PHC2: variants seen among roughly 807,000 people sequenced by gnomAD.
PHC2 encodes the protein polyhomeotic-like protein 2.
Under a neutral mutation model 87.4 loss-of-function variants are expected in PHC2, and 29 were observed. The ratio of observed to expected loss-of-function variants is 0.33; its 90% CI spans 0.25 to 0.45. The LOEUF (loss-of-function observed/expected upper bound fraction) is 0.45, where lower values mean the gene tolerates loss of function less well. PHC2 is among the 20% of genes least tolerant of loss of function. PHC2 has a pLI of 1.00. For synonymous variants in PHC2, 438 were observed against 461.7 expected (o/e 0.95, Z 0.66); for missense variants, 857 against 1,136.7 (o/e 0.75, Z 3.54).
At position 33,330,121 on chromosome 1, in the gene PHC2, G is replaced by A. The variant is rs773965245; in HGVS notation, c.2098C>T (p.Arg700Trp). The change falls in exon 13 of 15, where the codon CGG becomes TGG. Residue 700 changes from arginine to tryptophan, a missense_variant. Arg to Trp is a moderately radical substitution (Grantham distance 101). This residue lies in a region of PHC2 where 832 missense variants were observed against 1,081.8 expected (regional missense o/e 0.77). Transcript: ENST00000683057. ...GGTGGCAGACTGGCTTTGCTGGCCC[G>A]ACGGCGGTTGTGGGTCGCAGCTCCT... ...KAGAATHNRR[R>W]ASKASLPPLT... 3.3e-5 allele frequency: 54 copies of A among 1,614,078 alleles called. No homozygotes were observed. Among genetic ancestry groups the A allele is most frequent in the Non-Finnish European group, 4.0e-5 (47 of 1,180,040 alleles).
Position 33,364,177 on chromosome 1 carries a change from T to C in PHC2, c.976+2939A>G, listed in dbSNP as rs1159396475. ...CAGTCCCAGCTGGGACTGGAGGGTC[T>C]GCCTGCTCTGGGAGGAAACAGCCCC... On this transcript the variant is annotated intron_variant, in intron 7 of 14. Transcript: ENST00000683057. The surrounding 1 kb of genome is among the most constrained non-coding windows in gnomAD (Gnocchi z 4.1). Among the ~76,000 whole-genome samples, 1 of 152,068 alleles carries C rather than the reference T, an allele frequency of 6.6e-6. No homozygotes were observed. The highest frequency in any genetic ancestry group is 6.6e-5 in the Admixed American group (1 of 15,264).
chr1:33,335,290 C>T, intron 9 of PHC2: 3 of 985,418 alleles, frequency 3.0e-6, no homozygotes, highest in Non-Finnish European at 3.6e-6. Context: ...TCTCCCGCCC[C>T]CTTCCCAGGG....
At chr1:33,373,373 G>T (rs755993384) in intron 2 of PHC2, among the ~76,000 whole-genome samples, 11 of 151,960 alleles carry the variant, frequency 7.2e-5, no homozygotes, top group African/African-American at 2.7e-4. Context: ...TACCCACCTC[G>T]GTCTCCCAAA....
intron 12 of PHC2, among the ~76,000 whole-genome samples, chr1:33,330,816 A>G (rs145719204): frequency 2.0e-4 from 30 of 152,156 alleles, no homozygotes; most frequent in African/African-American, 6.7e-4. Context: ...AGGCACTACT[A>G]CTCCTTTGTA....
In PHC2 at chr1:33,370,880, C is replaced by A. The variant is rs986583829; in HGVS notation, c.411+137G>T. 9 of 778,806 alleles carry A rather than the reference C, an allele frequency of 1.2e-5. No individual in the cohort carries two copies. The African/African-American group carries it at 1.5e-4, about 13-fold the overall frequency. 48.2% of individuals were successfully genotyped at this position (778,806 alleles called of 1,614,324 possible). A position where few individuals can be genotyped will look rare whatever the true frequency, so the allele number is the denominator to read the frequency against. ...AGGTCAGTAAGAGACATGCCCTTTT[C>A]TTTTTCTTCCCGGTAAGGGCAATAG... On this transcript the variant is annotated intron_variant, in intron 4 of 14. Transcript: ENST00000683057.
intron 7 of PHC2, among the ~76,000 whole-genome samples, chr1:33,366,072 T>C (rs1162245444): frequency 2.0e-5 from 3 of 152,234 alleles, no homozygotes; most frequent in Admixed American, 6.5e-5. Context: ...CTGCACACTC[T>C]AGGGAAAAAT....
Position 33,375,580 on chromosome 1 carries a change from A to G in PHC2, c.-41T>C. 1.4e-6 allele frequency: 2 copies of G among 1,434,252 alleles called. No homozygotes were observed. The highest frequency in any genetic ancestry group is 1.6e-5 in the South Asian group (1 of 64,506). 88.8% of individuals were successfully genotyped at this position (1,434,252 alleles called of 1,614,324 possible). On this transcript the variant is annotated 5_prime_UTR_variant, in exon 2 of 15. Transcript: ENST00000683057. ...GCAGTCAGGGCGCTCGGATGGCAGA[A>G]GGGCAGGCAGATGCTAGGAGGGAAG... is the stretch of plus-strand genomic sequence containing the variant.
At chr1:33,371,406 C>T (rs1570493972) in intron 3 of PHC2, among the ~76,000 whole-genome samples, 1 of 152,170 alleles carries the variant, frequency 6.6e-6, no homozygotes, top group African/African-American at 2.4e-5. Flanking sequence ...CTATCACACC[C>T]GGCCACCACC....
At chr1:33,411,181 A>G (rs745318750) in intron 1 of PHC2, among the ~76,000 whole-genome samples, 13 of 152,230 alleles carry the variant, frequency 8.5e-5, no homozygotes, top group Non-Finnish European at 1.3e-4. Flanking sequence ...TATGGGAGAA[A>G]TAAATAATCT....
chr1:33,351,952 A>AAAAAAAAAAAAAAAAAAAAAAC (rs1646981584), intron 9 of PHC2, among the ~76,000 whole-genome samples: 1 of 27,122 alleles, frequency 3.7e-5, no homozygotes, highest in African/African-American at 8.5e-5. Flanking sequence ...AATGCATCTC[A>AAAAAAAAAAAAAAAAAAAAAAC]AAAAAAAAAA....
At position 33,382,886 on chromosome 1, in the gene PHC2, T is replaced by C. The variant is rs1648556489; in HGVS notation, c.-54-7293A>G. Among the ~76,000 whole-genome samples the C allele has an allele frequency of 6.6e-6, 1 of 152,154 alleles. No individual in the cohort carries two copies. The highest frequency in any genetic ancestry group is 2.1e-4 in the South Asian group (1 of 4,830). ...GTTCCGGGAAAGCAGAGGGGAAGGATACTGAAAACCTCTCTCCAAATCTAG... is the reference window on the plus strand; with the variant it reads ...GTTCCGGGAAAGCAGAGGGGAAGGACACTGAAAACCTCTCTCCAAATCTAG... On this transcript the variant is annotated intron_variant, in intron 1 of 14. Coordinates refer to ENST00000683057, the MANE Select transcript of PHC2 (RefSeq NM_001385109.1). This position sits in a 1 kb window ranked among gnomAD's most constrained non-coding sequence, Gnocchi z 4.3.
At chr1:33,337,736 C>T (rs544034947) in intron 9 of PHC2, among the ~76,000 whole-genome samples, 1 of 152,296 alleles carries the variant, frequency 6.6e-6, no homozygotes, top group Admixed American at 6.5e-5. Context: ...TCAGGTATTT[C>T]TTACATAAAA....
At chr1:33,327,050 A>G (rs1029785729) in intron 14 of PHC2, among the ~76,000 whole-genome samples, 1 of 152,234 alleles carries the variant, frequency 6.6e-6, no homozygotes, top group Non-Finnish European at 1.5e-5. Context: ...TTCACAGAAA[A>G]GGAAGGAGAA....
chr1:33,425,879 G>A (rs1650647526), intron 1 of PHC2, among the ~76,000 whole-genome samples: 1 of 152,160 alleles, frequency 6.6e-6, no homozygotes, highest in Non-Finnish European at 1.5e-5. Context: ...TCCATGTTGG[G>A]CATAGAAAAT....
intron 1 of PHC2, among the ~76,000 whole-genome samples, chr1:33,388,001 T>C (rs1481126919): frequency 6.6e-6 from 1 of 152,106 alleles, no homozygotes; most frequent in African/African-American, 2.4e-5. Flanking sequence ...CAACATATAT[T>C]ATCTACACAT....
At chr1:33,393,549 T>C (rs1649168311) in intron 1 of PHC2, among the ~76,000 whole-genome samples, 1 of 149,630 alleles carries the variant, frequency 6.7e-6, no homozygotes, top group African/African-American at 2.5e-5. Context: ...CTTTCTGTGC[T>C]CAGGGACCAG....
At chr1:33,346,763 C>G (rs571441537) in intron 9 of PHC2, 1 of 985,334 alleles carries the variant, frequency 1.0e-6, no homozygotes, top group African/African-American at 1.7e-5. Context: ...AGGTCCACAG[C>G]CTAAAGGAGG....
intron 9 of PHC2, among the ~76,000 whole-genome samples, chr1:33,340,303 A>G (rs559904232): frequency 6.6e-6 from 1 of 152,306 alleles, no homozygotes; most frequent in South Asian, 2.1e-4. Flanking sequence ...ATAAAACCCA[A>G]AGCACACTCT....
intron 9 of PHC2, chr1:33,335,280 T>C (rs1198068008): frequency 1.0e-6 from 1 of 985,214 alleles, no homozygotes; most frequent in East Asian, 1.1e-4. Flanking sequence ...TCTGTAACTC[T>C]CTCCCGCCCC....
Sources: gnomAD v4.1 joint callset for allele counts (sites outside exome capture counted in the v4.1 genomes callset) on GRCh38, gnomAD v4.1.1 for gene constraint, gnomAD v4.1.1 regional missense constraint, Gnocchi (gnomAD v3.1) non-coding constraint, MANE v1.5 for transcripts, NCBI Gene and HGNC (gene_info 2026-07-23, HGNC 2026-07-21) for gene names.